The following YEATS2 variants were observed in gnomAD, a reference collection of about 807,000 sequenced individuals.
YEATS2 encodes YEATS domain-containing protein 2.
In YEATS2, 77 loss-of-function variants were observed where a neutral mutation model predicts 163.2. The observed-to-expected ratio is 0.47, with a 90% CI of 0.39 to 0.57. The LOEUF is 0.57. Ranked by LOEUF, YEATS2 falls within the 20% of genes least tolerant of loss-of-function variation. The pLI is 0.00. For missense variants in YEATS2, 1,549 were observed against 1,729.8 expected (o/e 0.90, Z 1.85); for synonymous variants, 631 against 645.1 (o/e 0.98, Z 0.33).
Position 183,810,634 on chromosome 3 carries a change from T to C in YEATS2, c.*51T>C. On this transcript the variant is annotated 3_prime_UTR_variant, in exon 31 of 31. Transcript: ENST00000305135. ...AGGCTTTGAAGGCACAGCGAAGCTG[T>C]AACTGAGGACCCTGCTGCTCGGGAA... The C allele has an allele frequency of 6.5e-7, 1 of 1,539,034 alleles. No homozygotes were observed. The highest frequency in any genetic ancestry group is 1.4e-5 in the African/African-American group (1 of 73,024).
chr3:183,701,773 T>C (rs1714119339), intron 1 of YEATS2, among the ~76,000 whole-genome samples: 1 of 152,116 alleles, frequency 6.6e-6, no homozygotes, highest in Non-Finnish European at 1.5e-5. Context: ...AAATTAAAAC[T>C]TAAAAACAAA....
intron 29 of YEATS2, 60 bp from the exon 30 acceptor site, chr3:183,809,037 T>C (rs1577238581): frequency 1.3e-6 from 2 of 1,566,710 alleles, no homozygotes; most frequent in East Asian, 2.2e-5. Flanking sequence ...GGGTTAAATG[T>C]GTCCCTTCTT....
In YEATS2 at chr3:183,760,260, G is replaced by T. The variant is rs545115382; in HGVS notation, c.1657-1247G>T. On this transcript the variant is annotated intron_variant, in intron 13 of 30. Transcript: ENST00000305135. The stretch of plus-strand genomic sequence containing the variant: ...TGTTCTTCGTTTCCAAATTTTGACA[G>T]ATTACCTCTGAGATTTGCATTTTGT... Among the ~76,000 whole-genome samples, 169 of 150,288 alleles carry T rather than the reference G, an allele frequency of 1.1e-3. 2 individuals are homozygous for T. In the South Asian group the frequency reaches 0.034, roughly 31 times the overall value.
At chr3:183,768,941 C>A (rs1172846024) in intron 15 of YEATS2, among the ~76,000 whole-genome samples, 2 of 152,164 alleles carry the variant, frequency 1.3e-5, no homozygotes, top group South Asian at 2.1e-4. Flanking sequence ...CACCGCACTC[C>A]AGCCTGGGCA....
At chr3:183,761,794 G>A (rs977345516) in intron 14 of YEATS2, among the ~76,000 whole-genome samples, 180 bp downstream of exon 14, 1 of 152,128 alleles carries the variant, frequency 6.6e-6, no homozygotes, top group Non-Finnish European at 1.5e-5. Context: ...AGCAAGATGG[G>A]GATTCATGGA....
chr3:183,703,450 A>C (rs1714317567), intron 1 of YEATS2, among the ~76,000 whole-genome samples: 1 of 152,138 alleles, frequency 6.6e-6, no homozygotes, highest in Non-Finnish European at 1.5e-5. Flanking sequence ...GTCCTTTAAT[A>C]GAGGTTGGTG....
At chr3:183,745,515 G>T (rs80244608) in intron 8 of YEATS2, among the ~76,000 whole-genome samples, 3,330 of 152,088 alleles carry the variant, frequency 0.022, 125 homozygotes, top group African/African-American at 0.076. Context: ...TGAATTCTTT[G>T]CATTCTTCAA....
At chr3:183,747,290 T>C (rs1163851717) in intron 8 of YEATS2, among the ~76,000 whole-genome samples, 3 of 152,258 alleles carry the variant, frequency 2.0e-5, no homozygotes, top group East Asian at 1.9e-4. Context: ...TCTATGTGGC[T>C]GCATGATATT....
intron 6 of YEATS2, among the ~76,000 whole-genome samples, chr3:183,726,059 T>TA (rs1194624723): frequency 1.3e-5 from 2 of 151,826 alleles, no homozygotes; most frequent in Non-Finnish European, 2.9e-5. Flanking sequence ...ATCCTGGTGT[T>TA]ACAGTAGGAG....
intron 10 of YEATS2, 126 bp downstream of exon 10, chr3:183,752,379 A>G (rs1720261899): frequency 8.4e-7 from 1 of 1,196,958 alleles, no homozygotes; most frequent in Non-Finnish European, 1.2e-6. Context: ...TCTACTACAC[A>G]GTTCTGTTAT....
chr3:183,713,126 T>A (rs1329281131), intron 1 of YEATS2, among the ~76,000 whole-genome samples: 2 of 152,256 alleles, frequency 1.3e-5, no homozygotes, highest in African/African-American at 4.8e-5. Flanking sequence ...CACCAGATTT[T>A]AAAAACTTGG....
intron 27 of YEATS2, chr3:183,806,317 C>T: frequency 2.2e-6 from 1 of 456,290 alleles, no homozygotes; most frequent in Non-Finnish European, 4.4e-6. Flanking sequence ...AATCTTGTAC[C>T]TGGTGTGGAC....
chr3:183,775,048 C>G (rs1722825477), intron 17 of YEATS2, among the ~76,000 whole-genome samples: 1 of 152,046 alleles, frequency 6.6e-6, no homozygotes, highest in Non-Finnish European at 1.5e-5. Context: ...TATTCATAGT[C>G]CAGGTAGTTC....
chr3:183,745,158 A>T (rs1033314723), intron 8 of YEATS2, among the ~76,000 whole-genome samples: 6 of 152,140 alleles, frequency 3.9e-5, no homozygotes, highest in African/African-American at 1.4e-4. Flanking sequence ...GCCCCTGCCC[A>T]CTATTCCTAG....
In YEATS2 at chr3:183,773,657, C is replaced by T; in HGVS notation, c.2231C>T (p.Ala744Val). 3.1e-6 allele frequency: 5 copies of T among 1,609,496 alleles called. No individual in the cohort carries two copies. Among genetic ancestry groups the T allele is most frequent in the Non-Finnish European group, 4.2e-6 (5 of 1,178,550 alleles). ...GSVMATLQLP[A>V]TNLANLANLP... ...GTAATGGCAACGTTGCAGCTACCAG[C>T]CACTAATTTGGCCAACTTGGCAAAT... is the stretch of plus-strand genomic sequence containing the variant. Residue 744 changes from alanine (A) to valine (V), a missense_variant, in exon 17 of 31, where the codon GCC (alanine) becomes GTC (valine). Coordinates refer to ENST00000305135, the MANE Select transcript of YEATS2 (RefSeq NM_018023.5).
Position 183,729,145 on chromosome 3 carries a change from G to A in YEATS2, c.812+294G>A, listed in dbSNP as rs373948113. On this transcript the variant is annotated intron_variant, in intron 7 of 30. Coordinates refer to ENST00000305135, the MANE Select transcript of YEATS2 (RefSeq NM_018023.5). ...AAATTAGCTGGGCGTGGTGGCGGGC[G>A]CCTGTAGTCCCAGCCACTAGGGAGG... Among the ~76,000 whole-genome samples the A allele has an allele frequency of 1.4e-4, 21 of 152,204 alleles. 1 individual carries two copies. The highest frequency in any genetic ancestry group is 5.2e-4 in the Admixed American group (8 of 15,282).
At chr3:183,781,297 C>T (rs1481437169) in intron 19 of YEATS2, among the ~76,000 whole-genome samples, 1 of 152,072 alleles carries the variant, frequency 6.6e-6, no homozygotes, top group Non-Finnish European at 1.5e-5. Flanking sequence ...GCATTAAGTC[C>T]TGGAGTCTGA....
intron 28 of YEATS2, chr3:183,807,740 G>GT (rs1315007627): frequency 3.1e-6 from 1 of 321,168 alleles, no homozygotes; most frequent in Non-Finnish European, 5.8e-6. Flanking sequence ...TGTTGATTGC[G>GT]TATCAGAACC....
intron 25 of YEATS2, chr3:183,802,936 C>T (rs1725830002): frequency 4.0e-6 from 1 of 253,126 alleles, no homozygotes; most frequent in Admixed American, 5.1e-5. Flanking sequence ...TCTACCACAA[C>T]CACCTTGTGA....
Sources: gnomAD v4.1 joint callset for allele counts (sites outside exome capture counted in the v4.1 genomes callset) on GRCh38, gnomAD v4.1.1 for gene constraint, MANE v1.5 for transcripts, NCBI Gene and HGNC (gene_info 2026-07-23, HGNC 2026-07-21) for gene names.